TLE1: variants seen among roughly 807,000 people sequenced by gnomAD.
TLE1 encodes transducin-like enhancer protein 1.
TLE1 carries 21 observed loss-of-function variants against 89.8 expected under a neutral mutation model. The ratio of observed to expected loss-of-function variants is 0.23; its 90% CI spans 0.17 to 0.34. The LOEUF is 0.34. Ranked by LOEUF, TLE1 falls within the 10% of genes least tolerant of loss-of-function variation. The pLI is 1.00. For synonymous variants in TLE1, 447 were observed against 407.6 expected (o/e 1.10, Z -1.16); for missense variants, 795 against 1,031.2 (o/e 0.77, Z 3.14).
intron 6 of TLE1, among the ~76,000 whole-genome samples, chr9:81,651,183 C>T (rs1014247719): frequency 6.6e-6 from 1 of 152,210 alleles, no homozygotes; most frequent in East Asian, 1.9e-4. Context: ...GGCATCATCT[C>T]ACAAGCAATT....
At chr9:81,602,687 CTG>C (rs1283077828) in intron 14 of TLE1, among the ~76,000 whole-genome samples, 1 of 152,150 alleles carries the variant, frequency 6.6e-6, no homozygotes, top group Non-Finnish European at 1.5e-5. Flanking sequence ...TTGAAGATCT[CTG>C]TGCAACACAT....
Position 81,688,233 on chromosome 9 carries a change from G to A in TLE1, c.8C>T (p.Pro3Leu), listed in dbSNP as rs1040825885. Residue 3 changes from proline (P) to leucine (L), a missense_variant, in exon 1 of 20, where the codon CCG (proline) becomes CTG (leucine). This residue lies in a region of TLE1 where 47 missense variants were observed against 48.5 expected (regional missense o/e 0.97). Transcript: ENST00000376499. ...GCGCCTCACCGGGTGCCGGCTCTGCGGGAACATCGCTCTGGCGGCGGCCGG... is the reference window on the plus strand; with the variant it reads ...GCGCCTCACCGGGTGCCGGCTCTGCAGGAACATCGCTCTGGCGGCGGCCGG... Reference protein sequence around the residue: MFPQSRHPTPHQA... With the variant: MFLQSRHPTPHQA... 2 of 1,593,046 alleles carry A rather than the reference G, an allele frequency of 1.3e-6. No individual in the cohort carries two copies. Among genetic ancestry groups the A allele is most frequent in the Non-Finnish European group, 1.7e-6 (2 of 1,170,280 alleles).
Position 81,649,503 on chromosome 9 carries a change from G to C in TLE1, c.372+2711C>G, listed in dbSNP as rs540062533. 2.6e-4 allele frequency among the ~76,000 whole-genome samples: 40 copies of C among 152,316 alleles called. No individual in the cohort carries two copies. The South Asian group carries it at 8.1e-3, about 31-fold the overall frequency. ...CTTGATTGTACCTTAAAGGGAATGAGAATGTTTCGGCTCATTTGCATTTTA... is the reference window on the plus strand; with the variant it reads ...CTTGATTGTACCTTAAAGGGAATGACAATGTTTCGGCTCATTTGCATTTTA... On this transcript the variant is annotated intron_variant, in intron 6 of 19. Transcript: ENST00000376499.
intron 4 of TLE1, among the ~76,000 whole-genome samples, chr9:81,662,183 C>T (rs1830880527): frequency 6.6e-6 from 1 of 152,178 alleles, no homozygotes; most frequent in Non-Finnish European, 1.5e-5. Context: ...AGAAAGTTAA[C>T]ATTTGCCCTC....
At chr9:81,621,803 A>C (rs1025955037) in intron 8 of TLE1, among the ~76,000 whole-genome samples, 8 of 152,254 alleles carry the variant, frequency 5.3e-5, no homozygotes, top group Non-Finnish European at 1.0e-4. Context: ...TGCAGGAGGA[A>C]ATCAAAACTG....
At chr9:81,677,358 G>T (rs981252376) in intron 4 of TLE1, among the ~76,000 whole-genome samples, 9 of 151,982 alleles carry the variant, frequency 5.9e-5, no homozygotes, top group Non-Finnish European at 8.8e-5. Context: ...GAGGTCAGGA[G>T]ATCGAGACCA....
In TLE1 at chr9:81,660,934, AACACACACACACAC is replaced by A. The variant is rs548190067; in HGVS notation, c.235-6912_235-6899del. 1.6e-3 allele frequency among the ~76,000 whole-genome samples: 140 copies of A among 88,848 alleles called. 1 individual carries two copies. The highest frequency in any genetic ancestry group is 5.2e-3 in the African/African-American group (122 of 23,426). The allele number at this position is 88,848 out of a possible 152,430, so 58.3% of individuals were successfully genotyped here. A position where few individuals can be genotyped will look rare whatever the true frequency, so the allele number is the denominator to read the frequency against. On this transcript the variant is annotated intron_variant, in intron 4 of 19. Transcript: ENST00000376499. ...ACACGGTGAAACCCCATCCCTACTA[AACACACACACACAC>A]ACACACACACACACACACACACACA... is the stretch of plus-strand genomic sequence containing the variant.
chr9:81,655,102 G>C (rs919888192), intron 4 of TLE1, among the ~76,000 whole-genome samples: 1 of 152,004 alleles, frequency 6.6e-6, no homozygotes, highest in Non-Finnish European at 1.5e-5. Context: ...GCGGTGGCTC[G>C]CGCCTGTAAT....
At chr9:81,662,189 CCCT>C (rs1247065972) in intron 4 of TLE1, among the ~76,000 whole-genome samples, 2 of 152,144 alleles carry the variant, frequency 1.3e-5, no homozygotes, top group African/African-American at 2.4e-5. Flanking sequence ...TTAACATTTG[CCCT>C]CCTAATAAAT....
intron 6 of TLE1, among the ~76,000 whole-genome samples, chr9:81,645,747 A>T (rs1172842074): frequency 1.2e-5 from 1 of 82,300 alleles, no homozygotes; most frequent in Non-Finnish European, 2.9e-5. Flanking sequence ...TCTCCAAAAA[A>T]ATAAAATAAA....
intron 12 of TLE1, 44 bp downstream of exon 12, chr9:81,613,333 A>T: frequency 1.3e-6 from 2 of 1,599,792 alleles, no homozygotes; most frequent in South Asian, 1.1e-5. Context: ...TCAAGCTGGG[A>T]ATGGGAGAAA....
At chr9:81,598,539 C>T (rs1176155927) in intron 14 of TLE1, among the ~76,000 whole-genome samples, 1 of 152,118 alleles carries the variant, frequency 6.6e-6, no homozygotes, top group Non-Finnish European at 1.5e-5. Flanking sequence ...ATCAAAGGAT[C>T]AGAACACCAC....
chr9:81,672,459 A>C, intron 4 of TLE1, among the ~76,000 whole-genome samples: 1 of 97,058 alleles, frequency 1.0e-5, no homozygotes. Flanking sequence ...TCAGCCTCCC[A>C]ACAATTTTTT....
chr9:81,623,406 T>G (rs1229663920), intron 8 of TLE1, among the ~76,000 whole-genome samples: 2 of 152,154 alleles, frequency 1.3e-5, no homozygotes, highest in African/African-American at 2.4e-5. Flanking sequence ...GGTCCCATTC[T>G]AACAAATCGA....
At chr9:81,671,284 C>T (rs1343610519) in intron 4 of TLE1, among the ~76,000 whole-genome samples, 1 of 152,086 alleles carries the variant, frequency 6.6e-6, no homozygotes, top group African/African-American at 2.4e-5. Flanking sequence ...AAGGCTGAAG[C>T]GGGCGGATTG....
At chr9:81,676,798 T>C (rs151111936) in intron 4 of TLE1, among the ~76,000 whole-genome samples, 3,077 of 152,294 alleles carry the variant, frequency 0.02, 111 homozygotes, top group African/African-American at 0.069. Flanking sequence ...GCGGCCAGGT[T>C]TGACATATGG....
chr9:81,670,714 G>GAA (rs59394276), intron 4 of TLE1, among the ~76,000 whole-genome samples: 102 of 144,504 alleles, frequency 7.1e-4, no homozygotes, highest in Admixed American at 1.0e-3. Context: ...AAGCTAATCA[G>GAA]AAAAAAAAAA....
chr9:81,584,188 CATA>C lies in TLE1; in HGVS notation c.*7_*9del, dbSNP rs750241995. The C allele has an allele frequency of 1.8e-5, 29 of 1,607,796 alleles. 1 individual carries two copies. The South Asian group carries it at 3.0e-4, about 16-fold the overall frequency. On this transcript the variant is annotated 3_prime_UTR_variant, in exon 20 of 20. Coordinates refer to ENST00000376499, the MANE Select transcript of TLE1 (RefSeq NM_005077.5). ...CAATTCAACTATAAACGTTAAACCA[CATA>C]ATGTTTTCAGTAGATGACTTCATAG...
chr9:81,596,882 C>T (rs1339297910), intron 14 of TLE1, among the ~76,000 whole-genome samples: 1 of 152,164 alleles, frequency 6.6e-6, no homozygotes. Context: ...CTGAGCTAGA[C>T]ATGTATGATT....
Sources: gnomAD v4.1 joint callset for allele counts (sites outside exome capture counted in the v4.1 genomes callset) on GRCh38, gnomAD v4.1.1 for gene constraint, gnomAD v4.1.1 regional missense constraint, MANE v1.5 for transcripts, NCBI Gene and HGNC (gene_info 2026-07-23, HGNC 2026-07-21) for gene names.